Variants in LARGE1 observed in about 807,000 individuals in gnomAD.
The protein encoded by LARGE1 is xylosyl- and glucuronyltransferase LARGE1.
Under a neutral mutation model 87.6 loss-of-function variants are expected in LARGE1, and 43 were observed. That is an observed-to-expected ratio of 0.49 (90% confidence interval 0.38 to 0.63). The LOEUF is 0.63. LARGE1 is among the 30% of genes least tolerant of loss of function. The pLI is 0.00. For synonymous variants in LARGE1, 434 were observed against 394.6 expected (o/e 1.10, Z -1.18); for missense variants, 802 against 1,000.2 (o/e 0.80, Z 2.67).
At chr22:33,118,504 GAA>G in the LARGE1 span, among the ~76,000 whole-genome samples, 225 of 80,446 alleles carry the variant, frequency 2.8e-3, 2 homozygotes, top group African/African-American at 8.7e-3. Context: ...AAAGAAAAAA[GAA>G]AAAAAAAAAA....
chr22:33,698,425 T>C (rs376923151), intron 2 of LARGE1, among the ~76,000 whole-genome samples: 7 of 148,940 alleles, frequency 4.7e-5, no homozygotes, highest in East Asian at 2.0e-4. Context: ...CTCAGCCCCC[T>C]GAGTAGCTGA....
intron 1 of LARGE1, among the ~76,000 whole-genome samples, chr22:33,864,833 G>A (rs2064038744): frequency 6.6e-6 from 1 of 152,144 alleles, no homozygotes; most frequent in Non-Finnish European, 1.5e-5. Flanking sequence ...ACAGTCCCTG[G>A]GTTTCACAAT....
chr22:33,565,827 C>T (rs1161311327), intron 5 of LARGE1, among the ~76,000 whole-genome samples: 5 of 152,148 alleles, frequency 3.3e-5, no homozygotes, highest in Non-Finnish European at 5.9e-5. Context: ...GAGTCATCAG[C>T]GAGGTACACA....
At chr22:33,676,940 A>G (rs762953293) in intron 2 of LARGE1, among the ~76,000 whole-genome samples, 1 of 152,272 alleles carries the variant, frequency 6.6e-6, no homozygotes, top group Non-Finnish European at 1.5e-5. Context: ...TAGAGCTTCA[A>G]TATCACAAAA....
the LARGE1 span, among the ~76,000 whole-genome samples, chr22:33,102,163 C>CT: frequency 9.5e-4 from 138 of 144,738 alleles, no homozygotes; most frequent in Middle Eastern, 3.5e-3. Flanking sequence ...GTCCCTTTGT[C>CT]TTTTTTTTTT....
chr22:33,535,414 G>A (rs1439227865), intron 6 of LARGE1, among the ~76,000 whole-genome samples: 3 of 152,090 alleles, frequency 2.0e-5, no homozygotes, highest in Non-Finnish European at 4.4e-5. Flanking sequence ...GTGGTGGCAG[G>A]CGCCTGTAAT....
At chr22:33,708,846 G>A (rs148783285) in intron 2 of LARGE1, among the ~76,000 whole-genome samples, 3,321 of 152,140 alleles carry the variant, frequency 0.022, 115 homozygotes, top group African/African-American at 0.074. Context: ...TGATCCGCCC[G>A]CCTTGGCCTC....
At chr22:33,442,833 C>T (rs561510744) in intron 6 of LARGE1, among the ~76,000 whole-genome samples, 2 of 151,288 alleles carry the variant, frequency 1.3e-5, no homozygotes, top group Admixed American at 6.6e-5. Context: ...CGCTCTGCCG[C>T]CCAGGCTGGA....
At position 33,671,094 on chromosome 22, in the gene LARGE1, G is replaced by C. The variant is rs1035208208; in HGVS notation, c.107-20426C>G. On this transcript the variant is annotated intron_variant, in intron 2 of 14. Transcript: ENST00000397394. ...GAAGTGGGGACCAGTGAAAGAAAATGCTGGAAAGACAAGTGGATCAGATTC... is the reference window on the plus strand; with the variant it reads ...GAAGTGGGGACCAGTGAAAGAAAATCCTGGAAAGACAAGTGGATCAGATTC... Among the ~76,000 whole-genome samples, 3 of 152,284 alleles carry C rather than the reference G, an allele frequency of 2.0e-5. No homozygotes were observed. The East Asian group carries it at 5.8e-4, about 29-fold the overall frequency.
chr22:33,627,031 G>A (rs535569266), intron 3 of LARGE1, among the ~76,000 whole-genome samples: 3 of 152,302 alleles, frequency 2.0e-5, no homozygotes, highest in African/African-American at 7.2e-5. Flanking sequence ...AATGCCAAGA[G>A]GGGAATATGC....
At position 33,645,102 on chromosome 22, in the gene LARGE1, C is replaced by A. The variant is rs150443650; in HGVS notation, c.408+5265G>T. 7.6e-3 allele frequency among the ~76,000 whole-genome samples: 1,159 copies of A among 152,262 alleles called. 16 individuals carry two copies. The highest frequency in any genetic ancestry group is 0.027 in the African/African-American group (1,113 of 41,542). ...CAAAAAAGAGCCCATCTAGCCAAGA[C>A]AATCTTAAGCAAAAAGAACAAAGCT... On this transcript the variant is annotated intron_variant, in intron 3 of 14. Coordinates refer to ENST00000397394, the MANE Select transcript of LARGE1 (RefSeq NM_133642.5).
chr22:33,749,107 C>T (rs1601517288), intron 2 of LARGE1, among the ~76,000 whole-genome samples: 1 of 152,226 alleles, frequency 6.6e-6, no homozygotes, highest in Non-Finnish European at 1.5e-5. Context: ...GTGTAAGCTA[C>T]AGGTTGTGCT....
At chr22:33,450,294 C>T (rs2067857689) in intron 6 of LARGE1, among the ~76,000 whole-genome samples, 1 of 151,896 alleles carries the variant, frequency 6.6e-6, no homozygotes, top group Non-Finnish European at 1.5e-5. Flanking sequence ...ATATTTTGGA[C>T]CAAACTTCTC....
chr22:33,325,691 G>A (rs975491006), intron 10 of LARGE1, among the ~76,000 whole-genome samples: 9 of 150,242 alleles, frequency 6.0e-5, no homozygotes, highest in Non-Finnish European at 1.0e-4. Flanking sequence ...AGTCTGGGAG[G>A]CCCCGTTTCT....
chr22:33,870,112 C>T (rs2064229904), intron 1 of LARGE1, among the ~76,000 whole-genome samples: 1 of 152,084 alleles, frequency 6.6e-6, no homozygotes, highest in South Asian at 2.1e-4. Flanking sequence ...GGCCCTTAAC[C>T]CAGTCTGACT....
Position 33,671,558 on chromosome 22 carries a change from A to G in LARGE1, c.107-20890T>C, listed in dbSNP as rs148471895. Among the ~76,000 whole-genome samples the G allele has an allele frequency of 4.4e-3, 677 of 152,338 alleles. 1 individual carries two copies. Among genetic ancestry groups the G allele is most frequent in the African/African-American group, 0.016 (656 of 41,576 alleles). On this transcript the variant is annotated intron_variant, in intron 2 of 14. Coordinates refer to ENST00000397394, the MANE Select transcript of LARGE1 (RefSeq NM_133642.5). The stretch of plus-strand genomic sequence containing the variant: ...TGGTTCCATATTATTACCAAAGCTT[A>G]TGCTAGATAGAGCTAGAACCGTTCA...
chr22:33,466,952 GAA>G (rs2068643787), intron 6 of LARGE1, among the ~76,000 whole-genome samples: 1 of 152,094 alleles, frequency 6.6e-6, no homozygotes, highest in African/African-American at 2.4e-5. Context: ...AGGCAGGAGA[GAA>G]TCACTTGAAT....
chr22:33,427,158 T>C (rs16992324), intron 7 of LARGE1, among the ~76,000 whole-genome samples: 8,087 of 152,328 alleles, frequency 0.053, 715 homozygotes, highest in African/African-American at 0.18. Context: ...TGCTCACAGC[T>C]GAATGCTGGG....
chr22:33,382,177 A>C, intron 8 of LARGE1, 133 bp from the exon 9 acceptor site: 1 of 1,102,374 alleles, frequency 9.1e-7, no homozygotes, highest in Non-Finnish European at 1.3e-6. Flanking sequence ...GCTGGCTCGC[A>C]CTGTGAGGCA....
Sources: gnomAD v4.1 joint callset for allele counts (sites outside exome capture counted in the v4.1 genomes callset) on GRCh38, gnomAD v4.1.1 for gene constraint, MANE v1.5 for transcripts, NCBI Gene and HGNC (gene_info 2026-07-23, HGNC 2026-07-21) for gene names.